The following PKD1L1 variants were observed in gnomAD, a reference collection of about 807,000 sequenced individuals.
PKD1L1 encodes the protein polycystin-1-like protein 1.
PKD1L1 carries 236 observed loss-of-function variants against 323.4 expected under a neutral mutation model. That is an observed-to-expected ratio of 0.73 (90% CI 0.66 to 0.81). The LOEUF is 0.81. Ranked by LOEUF, PKD1L1 falls within the 40% of genes least tolerant of loss-of-function variation. The pLI is 0.00. For missense variants in PKD1L1, 3,320 were observed against 3,508.0 expected, an observed-to-expected ratio of 0.95 and a Z score of 1.35; for synonymous variants, 1,344 against 1,335.0, an observed-to-expected ratio of 1.01 and a Z score of -0.15.
intron 54 of PKD1L1, among the ~76,000 whole-genome samples, chr7:47,800,018 T>G (rs1389096304): frequency 6.6e-6 from 1 of 152,252 alleles, no homozygotes; most frequent in Admixed American, 6.5e-5. Flanking sequence ...TTACTAATAC[T>G]GAAAACTTTT....
intron 15 of PKD1L1, among the ~76,000 whole-genome samples, chr7:47,893,366 C>T (rs1786865260): frequency 6.6e-6 from 1 of 151,982 alleles, no homozygotes. Context: ...GTAGGGACGC[C>T]GGGACTCACA....
intron 7 of PKD1L1, among the ~76,000 whole-genome samples, chr7:47,921,646 T>C (rs149083551): frequency 4.7e-4 from 71 of 149,924 alleles, no homozygotes; most frequent in African/African-American, 1.7e-3. Context: ...CAAATACCCA[T>C]CAATCAATGA....
intron 49 of PKD1L1, among the ~76,000 whole-genome samples, chr7:47,812,342 T>C (rs372060883): frequency 6.6e-6 from 1 of 151,942 alleles, no homozygotes; most frequent in Non-Finnish European, 1.5e-5. Context: ...CCCCAACCCA[T>C]GTGAGGCAGA....
chr7:47,798,528 C>T (rs931147423), intron 54 of PKD1L1, among the ~76,000 whole-genome samples: 23 of 151,976 alleles, frequency 1.5e-4, no homozygotes, highest in African/African-American at 4.1e-4. Context: ...GAGGCTGAGG[C>T]GGGAGGATCA....
chr7:47,813,933 T>G lies in PKD1L1; in HGVS notation c.7171A>C (p.Lys2391Gln). 1 of 1,612,880 alleles carries G rather than the reference T, an allele frequency of 6.2e-7. No individual in the cohort carries two copies. Among genetic ancestry groups the G allele is most frequent in the Non-Finnish European group, 8.5e-7 (1 of 1,178,878 alleles). ...QLKVFPRHLCKPPRPFSALIE... is the reference protein window; with the variant it reads ...QLKVFPRHLCQPPRPFSALIE... ...CAAAAGGAAAAGGAACATCTTACCT[T>G]GCATAAATGCCTAGGAAAAACTTTT... The change falls in exon 48 of 57, where the codon AAG (lysine) becomes CAG (glutamine). Residue 2391 changes from lysine (K) to glutamine (Q), a missense_variant and splice_region_variant. Physicochemically the swap from Lys to Gln is moderately conservative, Grantham distance 53. Transcript: ENST00000289672.
intron 36 of PKD1L1, among the ~76,000 whole-genome samples, chr7:47,838,065 G>A (rs1389844512): frequency 1.3e-5 from 2 of 152,192 alleles, no homozygotes; most frequent in Non-Finnish European, 2.9e-5. Flanking sequence ...GTTAACTATG[G>A]TTCCTCAGCC....
At chr7:47,953,651 T>C in the PKD1L1 span, among the ~76,000 whole-genome samples, 29 of 152,344 alleles carry the variant, frequency 1.9e-4, no homozygotes, top group African/African-American at 6.0e-4. Context: ...TGGGCATTTC[T>C]TTCTAGATTT....
At chr7:47,943,270 C>G (rs1457379989) in intron 2 of PKD1L1, 126 bp downstream of exon 2, 5 of 720,654 alleles carry the variant, frequency 6.9e-6, no homozygotes, top group Non-Finnish European at 1.1e-5. Flanking sequence ...TAAGATCACT[C>G]TGACCTTCCT....
chr7:47,931,387 C>T, intron 5 of PKD1L1, 66 bp from the exon 6 acceptor site: 6 of 1,522,198 alleles, frequency 3.9e-6, no homozygotes, highest in East Asian at 2.3e-5. Flanking sequence ...AGCTGATGTC[C>T]GCCATGCTCA....
intron 28 of PKD1L1, among the ~76,000 whole-genome samples, chr7:47,856,565 G>T (rs548710521): frequency 6.6e-6 from 1 of 150,504 alleles, no homozygotes; most frequent in South Asian, 2.1e-4. Flanking sequence ...AACAGTGTAG[G>T]CCAGGTTGTT....
At chr7:47,911,733 A>T (rs2128752127) in intron 8 of PKD1L1, among the ~76,000 whole-genome samples, 1 of 152,326 alleles carries the variant, frequency 6.6e-6, no homozygotes, top group Non-Finnish European at 1.5e-5. Flanking sequence ...AATATCAAGC[A>T]TGCATGAGCA....
intron 12 of PKD1L1, among the ~76,000 whole-genome samples, chr7:47,902,806 T>G (rs1782694804): frequency 1.3e-5 from 2 of 152,242 alleles, no homozygotes; most frequent in Non-Finnish European, 2.9e-5. Context: ...TGTTGCTTCC[T>G]TCTTTGGGCA....
At chr7:47,838,146 T>C (rs1257777919) in intron 36 of PKD1L1, among the ~76,000 whole-genome samples, 2 of 152,250 alleles carry the variant, frequency 1.3e-5, no homozygotes, top group Non-Finnish European at 2.9e-5. Flanking sequence ...CAGTTTTAGA[T>C]GTTGAAGAAT....
intron 45 of PKD1L1, among the ~76,000 whole-genome samples, chr7:47,822,919 A>C (rs1785175339): frequency 6.6e-6 from 1 of 151,334 alleles, no homozygotes; most frequent in African/African-American, 2.4e-5. Context: ...TGTGTCTTGC[A>C]AACTTGCTAA....
rs193077329 is a variant in PKD1L1, at chr7:47,788,776, T to A, written c.8526+3851A>T. On this transcript the variant is annotated intron_variant, in intron 56 of 56. Coordinates refer to ENST00000289672, the MANE Select transcript of PKD1L1 (RefSeq NM_138295.5). ...ACACCCGGCTAATTTGTTTTGTATT[T>A]TTAGTAGAGATGGGTTTTCACCGTG... Among the ~76,000 whole-genome samples, 296 of 151,514 alleles carry A rather than the reference T, an allele frequency of 2.0e-3. 1 individual carries two copies. The highest frequency in any genetic ancestry group is 6.9e-3 in the African/African-American group (283 of 41,302).
At chr7:47,943,659 C>T (rs1172556620) in intron 1 of PKD1L1, 148 bp from the exon 2 acceptor site, 6 of 617,402 alleles carry the variant, frequency 9.7e-6, no homozygotes, top group African/African-American at 5.5e-5. Flanking sequence ...CAAAAAGACT[C>T]GCATCTATGG....
At chr7:47,848,363 G>A (rs752885278) in intron 31 of PKD1L1, among the ~76,000 whole-genome samples, 19 of 152,058 alleles carry the variant, frequency 1.2e-4, no homozygotes, top group Non-Finnish European at 2.4e-4. Context: ...AAAAGATATC[G>A]ATGAATAAAT....
intron 41 of PKD1L1, 91 bp from the exon 42 acceptor site, chr7:47,831,443 T>C (rs1163029787): frequency 2.0e-6 from 3 of 1,486,786 alleles, no homozygotes; most frequent in African/African-American, 2.8e-5. Flanking sequence ...AGGTGTCAAC[T>C]AGGCTGGGTC....
rs1231394229 is a variant in PKD1L1, at chr7:47,857,721, G to C, written c.4474C>G (p.Pro1492Ala). The C allele has an allele frequency of 2.5e-6, 4 of 1,613,952 alleles. No homozygotes were observed. Among genetic ancestry groups the C allele is most frequent in the Non-Finnish European group, 3.4e-6 (4 of 1,180,034 alleles). The change falls in exon 28 of 57, where the codon CCT becomes GCT. Residue 1492 changes from proline (P) to alanine (A), a missense_variant. Coordinates refer to ENST00000289672, the MANE Select transcript of PKD1L1 (RefSeq NM_138295.5). ...QSLGSVQVHLPGDLAGHSPAG... is the reference protein window; with the variant it reads ...QSLGSVQVHLAGDLAGHSPAG... Reference sequence around the variant, plus strand: ...GGACTGTGCCCAGCAAGGTCACCAGGTAAATGCACCTGGACAGATCCCAGG... The same window carrying C: ...GGACTGTGCCCAGCAAGGTCACCAGCTAAATGCACCTGGACAGATCCCAGG...
Sources: allele counts gnomAD v4.1 joint callset (sites outside exome capture counted in the v4.1 genomes callset), GRCh38; gene constraint gnomAD v4.1.1; transcripts MANE v1.5; gene names NCBI Gene and HGNC (gene_info 2026-07-23, HGNC 2026-07-21).